ZNF892: variants seen among roughly 807,000 people sequenced by gnomAD.
ZNF892 encodes the protein zinc finger protein 892.
At chr2:95,244,716 C>G in the ZNF892 span, among the ~76,000 whole-genome samples, 1 of 152,142 alleles carries the variant, frequency 6.6e-6, no homozygotes, top group Non-Finnish European at 1.5e-5. Context: ...GAACCCTCCA[C>G]CCCAAAACAA....
chr2:95,262,414 T>C, the ZNF892 span, among the ~76,000 whole-genome samples: 2 of 152,200 alleles, frequency 1.3e-5, no homozygotes, highest in African/African-American at 4.8e-5. Flanking sequence ...CGAAAGTTCA[T>C]GTTTCCCACC....
At chr2:95,208,772 C>A in the ZNF892 span, 8 of 398,522 alleles carry the variant, frequency 2.0e-5, no homozygotes, top group South Asian at 1.3e-4. Flanking sequence ...TCCTTCTGTT[C>A]TCAGAGCAAG....
At chr2:95,249,241 T>A in the ZNF892 span, among the ~76,000 whole-genome samples, 21 of 120,572 alleles carry the variant, frequency 1.7e-4, no homozygotes, top group African/African-American at 2.8e-4. Flanking sequence ...ATTTTTTTTT[T>A]TTTTTTTTTT....
chr2:95,229,521 G>C, the ZNF892 span, among the ~76,000 whole-genome samples: 15 of 152,028 alleles, frequency 9.9e-5, no homozygotes, highest in Admixed American at 7.8e-4. Context: ...TCCTCTACTA[G>C]TTTTATCTGT....
At chr2:95,239,853 C>G in the ZNF892 span, among the ~76,000 whole-genome samples, 2 of 152,176 alleles carry the variant, frequency 1.3e-5, no homozygotes, top group Admixed American at 1.3e-4. Flanking sequence ...TTGTCTTGAA[C>G]TCCTGACCTC....
the ZNF892 span, among the ~76,000 whole-genome samples, chr2:95,206,546 A>G: frequency 2.6e-4 from 40 of 152,236 alleles, no homozygotes; most frequent in Admixed American, 2.2e-3. Context: ...AAAGTGATAA[A>G]CAATTTAAAA....
chr2:95,240,776 C>T, the ZNF892 span, among the ~76,000 whole-genome samples: 27 of 152,202 alleles, frequency 1.8e-4, no homozygotes, highest in South Asian at 1.0e-3. Flanking sequence ...TTCCCAGGGG[C>T]GGGGCAGCTG....
At chr2:95,238,019 A>G in the ZNF892 span, among the ~76,000 whole-genome samples, 1 of 152,270 alleles carries the variant, frequency 6.6e-6, no homozygotes, top group African/African-American at 2.4e-5. Flanking sequence ...GTGCAAGATG[A>G]AAGCAGCCAG....
the ZNF892 span, among the ~76,000 whole-genome samples, chr2:95,261,856 G>A: frequency 1.3e-5 from 2 of 152,230 alleles, no homozygotes; most frequent in Non-Finnish European, 2.9e-5. Flanking sequence ...GACTGGTCAT[G>A]CATCAAGTTC....
chr2:95,260,561 A>G, the ZNF892 span, among the ~76,000 whole-genome samples: 1 of 152,152 alleles, frequency 6.6e-6, no homozygotes, highest in Non-Finnish European at 1.5e-5. Flanking sequence ...CTACTTCACC[A>G]GGTTGTAATT....
At chr2:95,228,439 T>G in the ZNF892 span, among the ~76,000 whole-genome samples, 9 of 152,164 alleles carry the variant, frequency 5.9e-5, no homozygotes, top group Non-Finnish European at 1.0e-4. Context: ...TAAAAAAATT[T>G]TTTTTGCATC....
the ZNF892 span, chr2:95,215,513 A>G: frequency 2.4e-6 from 1 of 417,024 alleles, no homozygotes; most frequent in Non-Finnish European, 4.3e-6. Context: ...AACATCAGAA[A>G]ACTCATGCTG....
At chr2:95,212,175 T>C in the ZNF892 span, 1 of 398,492 alleles carries the variant, frequency 2.5e-6, no homozygotes, top group Non-Finnish European at 4.4e-6. Flanking sequence ...AGACTCCTTT[T>C]TCTTTCCCTA....
the ZNF892 span, among the ~76,000 whole-genome samples, chr2:95,229,784 C>A: frequency 6.6e-6 from 1 of 152,092 alleles, no homozygotes; most frequent in Non-Finnish European, 1.5e-5. Flanking sequence ...ATATGCATTT[C>A]TCTTGGGTAC....
the ZNF892 span, chr2:95,214,346 A>G: frequency 2.5e-6 from 1 of 398,526 alleles, no homozygotes; most frequent in Non-Finnish European, 4.4e-6. Context: ...ACTGGGAAAC[A>G]ATACCAGAAA....
chr2:95,248,360 G>A, the ZNF892 span, among the ~76,000 whole-genome samples: 2 of 152,084 alleles, frequency 1.3e-5, no homozygotes, highest in African/African-American at 4.8e-5. Flanking sequence ...GGGAGAGAGA[G>A]GCAAGGGTTG....
chr2:95,245,461 G>GGGGCA, the ZNF892 span, among the ~76,000 whole-genome samples: 2 of 11,564 alleles, frequency 1.7e-4, no homozygotes, highest in African/African-American at 8.6e-4. Context: ...GGGGGGGGGG[G>GGGGCA]GGTTTCACCA....
the ZNF892 span, among the ~76,000 whole-genome samples, chr2:95,253,967 A>T: frequency 6.6e-6 from 1 of 152,218 alleles, no homozygotes; most frequent in Non-Finnish European, 1.5e-5. Context: ...TTATCAGCTT[A>T]AGGAGATTTT....
the ZNF892 span, chr2:95,207,733 C>T: frequency 2.5e-6 from 1 of 398,168 alleles, no homozygotes; most frequent in Admixed American, 4.4e-5. Context: ...CGTTCCCGGC[C>T]TCTTGGGGGA....
Sources: gnomAD v4.1 joint callset for allele counts (sites outside exome capture counted in the v4.1 genomes callset) on GRCh38, gnomAD v4.1.1 for gene constraint, MANE v1.5 for transcripts, NCBI Gene and HGNC (gene_info 2026-07-23, HGNC 2026-07-21) for gene names.